ITPR1: variants seen among roughly 807,000 people sequenced by gnomAD.
ITPR1 encodes inositol 1,4,5-trisphosphate receptor type 1, also known as inositol 1,4,5-trisphosphate-gated calcium channel ITPR1.
Under a neutral mutation model 318.4 loss-of-function variants are expected in ITPR1, and 96 were observed. The observed-to-expected ratio is 0.30, with a 90% CI of 0.26 to 0.36. ITPR1 has a LOEUF of 0.36. Among genes scored for constraint, ITPR1 ranks in the 10% least tolerant of loss-of-function variants. The pLI is 1.00. For missense variants in ITPR1, 2,440 were observed against 3,460.2 expected (o/e 0.71, Z 7.40); for synonymous variants, 1,312 against 1,289.9 (o/e 1.02, Z -0.37).
rs1024836657 is a variant in ITPR1 at position 4,824,767 on chromosome 3, C to T, written c.8028+6525C>T. Among the ~76,000 whole-genome samples, 8 of 152,086 alleles carry T rather than the reference C, an allele frequency of 5.3e-5. No individual in the cohort carries two copies. In the South Asian group the frequency reaches 8.3e-4, roughly 16 times the overall value. On this transcript the variant is annotated intron_variant, in intron 60 of 61. Coordinates refer to ENST00000649015, the MANE Select transcript of ITPR1 (RefSeq NM_001378452.1). ...AGGAGTTAGATGGGGTGTGACTTTC[C>T]GAGCTGCTGCCGCCAGCAACCACTG... is the stretch of plus-strand genomic sequence containing the variant.
At chr3:4,677,332 G>C (rs1332888954) in intron 24 of ITPR1, among the ~76,000 whole-genome samples, 2 of 152,164 alleles carry the variant, frequency 1.3e-5, no homozygotes, top group South Asian at 4.1e-4. Context: ...CATGTATTAA[G>C]AATAAGTGCT....
chr3:4,752,203 A>G (rs2125347740), intron 44 of ITPR1, among the ~76,000 whole-genome samples: 1 of 152,280 alleles, frequency 6.6e-6, no homozygotes, highest in Non-Finnish European at 1.5e-5. Context: ...ACCATATGGT[A>G]TTTGAGAAAT....
At chr3:4,706,122 C>T in intron 36 of ITPR1, 45 bp from the exon 37 acceptor site, 2 of 1,607,082 alleles carry the variant, frequency 1.2e-6, no homozygotes, top group Non-Finnish European at 8.5e-7. Context: ...GTAGGGTGTC[C>T]CCCATAAAAG....
chr3:4,683,156 T>C (rs946635518), intron 26 of ITPR1, among the ~76,000 whole-genome samples: 1 of 152,252 alleles, frequency 6.6e-6, no homozygotes, highest in Non-Finnish European at 1.5e-5. Context: ...TCACTTTGGC[T>C]TAAAATTTGA....
intron 54 of ITPR1, among the ~76,000 whole-genome samples, chr3:4,803,573 G>A (rs2048374416): frequency 6.6e-6 from 1 of 152,232 alleles, no homozygotes; most frequent in Non-Finnish European, 1.5e-5. Context: ...AGAGAGATCA[G>A]TGTGGGGAGG....
chr3:4,652,062 G>T, intron 10 of ITPR1, 61 bp from the exon 11 acceptor site: 4 of 1,270,252 alleles, frequency 3.1e-6, no homozygotes, highest in Non-Finnish European at 4.5e-6. Context: ...TGATACCTCC[G>T]ATTTAATGTC....
chr3:4,662,904 T>C (rs910141499), intron 15 of ITPR1, among the ~76,000 whole-genome samples, 161 bp from the exon 16 acceptor site: 2 of 152,152 alleles, frequency 1.3e-5, no homozygotes, highest in Non-Finnish European at 2.9e-5. Context: ...TGTCTTTCAC[T>C]CTCTTTGATA....
intron 20 of ITPR1, among the ~76,000 whole-genome samples, 156 bp from the exon 21 acceptor site, chr3:4,672,980 A>G (rs1014782635): frequency 1.3e-5 from 2 of 152,150 alleles, no homozygotes; most frequent in African/African-American, 4.8e-5. Flanking sequence ...TACCAAAGCC[A>G]AAATCCTGGT....
At chr3:4,776,384 A>G (rs2046487058) in intron 47 of ITPR1, among the ~76,000 whole-genome samples, 1 of 152,102 alleles carries the variant, frequency 6.6e-6, no homozygotes, top group South Asian at 2.1e-4. Context: ...ATGTTTTTTA[A>G]TACCAAATTA....
chr3:4,556,453 GCTC>G (rs1377009495), intron 4 of ITPR1, among the ~76,000 whole-genome samples: 2 of 151,674 alleles, frequency 1.3e-5, no homozygotes, highest in Non-Finnish European at 2.9e-5. Flanking sequence ...GAATCTCTGT[GCTC>G]CTCCTATTTA....
At chr3:4,584,203 T>C (rs1313257806) in intron 4 of ITPR1, among the ~76,000 whole-genome samples, 1 of 152,194 alleles carries the variant, frequency 6.6e-6, no homozygotes, top group African/African-American at 2.4e-5. Context: ...ATTCTTCTCA[T>C]GTTCATTATG....
At chr3:4,730,726 C>CTAAGCA (rs1439558765) in intron 42 of ITPR1, among the ~76,000 whole-genome samples, 1 of 152,126 alleles carries the variant, frequency 6.6e-6, no homozygotes, top group Non-Finnish European at 1.5e-5. Context: ...AACTGAAAAT[C>CTAAGCA]TAAGCAAGTC....
At chr3:4,603,555 G>T (rs1373068019) in intron 4 of ITPR1, among the ~76,000 whole-genome samples, 1 of 152,036 alleles carries the variant, frequency 6.6e-6, no homozygotes, top group South Asian at 2.1e-4. Context: ...TCAGCCTCCT[G>T]AGTAGCTGGG....
At chr3:4,828,083 G>A (rs935953803) in intron 60 of ITPR1, among the ~76,000 whole-genome samples, 1 of 152,124 alleles carries the variant, frequency 6.6e-6, no homozygotes, top group Non-Finnish European at 1.5e-5. Flanking sequence ...GAGATGGAAC[G>A]TGGTTGCGTT....
chr3:4,699,418 G>C (rs1338496849), intron 34 of ITPR1, among the ~76,000 whole-genome samples: 4 of 152,060 alleles, frequency 2.6e-5, no homozygotes, highest in African/African-American at 9.7e-5. Flanking sequence ...TTGACTATTT[G>C]GATGAGGAAA....
intron 59 of ITPR1, among the ~76,000 whole-genome samples, chr3:4,817,119 AC>A (rs761445213): frequency 4.3e-4 from 66 of 152,118 alleles, no homozygotes; most frequent in Non-Finnish European, 8.7e-4. Context: ...TTTTCTATGT[AC>A]TTTCTTACTT....
chr3:4,763,129 T>C (rs544951780), intron 44 of ITPR1, among the ~76,000 whole-genome samples: 1 of 152,244 alleles, frequency 6.6e-6, no homozygotes, highest in African/African-American at 2.4e-5. Context: ...CATGTTCTCA[T>C]TTACAAGTAT....
intron 33 of ITPR1, among the ~76,000 whole-genome samples, chr3:4,695,906 G>T (rs1559715752): frequency 6.6e-6 from 1 of 152,130 alleles, no homozygotes; most frequent in Non-Finnish European, 1.5e-5. Flanking sequence ...CAGGGTGTGT[G>T]GATAGTCAGA....
chr3:4,531,071 T>C (rs74829116), intron 4 of ITPR1, among the ~76,000 whole-genome samples: 2,977 of 152,286 alleles, frequency 0.02, 81 homozygotes, highest in Admixed American at 0.069. Flanking sequence ...GGTACTGTTA[T>C]GTCCCCATTT....
Sources: gnomAD v4.1 joint callset for allele counts (sites outside exome capture counted in the v4.1 genomes callset) on GRCh38, gnomAD v4.1.1 for gene constraint, MANE v1.5 for transcripts, NCBI Gene and HGNC (gene_info 2026-07-23, HGNC 2026-07-21) for gene names.